Variants in USP40 observed in about 807,000 individuals in gnomAD.
USP40 encodes the protein ubiquitin carboxyl-terminal hydrolase 40.
USP40 carries 143 observed loss-of-function variants against 166.2 expected under a neutral mutation model. That is an observed-to-expected ratio of 0.86 (90% CI 0.75 to 0.99). USP40 has a LOEUF of 0.99. USP40 is among the 50% of genes least tolerant of loss of function. The pLI, the probability that USP40 is intolerant of heterozygous loss-of-function variation, is 0.00. For synonymous variants in USP40, 498 were observed against 524.0 expected, an observed-to-expected ratio of 0.95 and a Z score of 0.68; for missense variants, 1,444 against 1,479.7, an observed-to-expected ratio of 0.98 and a Z score of 0.40.
chr2:233,553,615 G>T (rs2070780352), intron 6 of USP40, among the ~76,000 whole-genome samples: 1 of 152,166 alleles, frequency 6.6e-6, no homozygotes, highest in African/African-American at 2.4e-5. Flanking sequence ...ACACCAGGGA[G>T]GTGTTCCACT....
At chr2:233,494,532 A>G (rs2065541733) in intron 24 of USP40, among the ~76,000 whole-genome samples, 1 of 152,080 alleles carries the variant, frequency 6.6e-6, no homozygotes, top group South Asian at 2.1e-4. Flanking sequence ...CAAATTGTTT[A>G]TGGGACCAAA....
chr2:233,493,641 C>T lies in USP40; in HGVS notation c.2791-90G>A. On this transcript the variant is annotated intron_variant, in intron 24 of 31. Transcript: ENST00000678225. This position sits in a 1 kb window ranked among gnomAD's most constrained non-coding sequence, Gnocchi z 4.7. ...CCATAGAAAGAAACACCTTGATGAC[C>T]TAAGATGTTCTTGAACTTATCATTT... The T allele has an allele frequency of 7.4e-7, 1 of 1,358,124 alleles. No individual in the cohort carries two copies. The highest frequency in any genetic ancestry group is 9.8e-7 in the Non-Finnish European group (1 of 1,016,176). The allele number at this position is 1,358,124 out of a possible 1,614,324, so 84.1% of individuals were successfully genotyped here.
rs1345724853 is a variant in USP40 at position 233,475,849 on chromosome 2, TAAG to T, written c.*1540_*1542del. 3.9e-5 allele frequency: 6 copies of T among 152,484 alleles called. No individual in the cohort carries two copies. The highest frequency in any genetic ancestry group is 4.2e-4 in the South Asian group (2 of 4,818). 9.4% of individuals were successfully genotyped at this position (152,484 alleles called of 1,614,324 possible). A position where few individuals can be genotyped will look rare whatever the true frequency, so the allele number is the denominator to read the frequency against. On this transcript the variant is annotated 3_prime_UTR_variant, in exon 32 of 32. Coordinates refer to ENST00000678225, the MANE Select transcript of USP40 (RefSeq NM_001365479.2). ...TTAAAGCCACAGAAACAGAACAGCT[TAAG>T]AAGGGCTGGGCGCCCAGCTCGTCAC...
chr2:233,485,953 T>G lies in USP40; in HGVS notation c.3222A>C (p.Thr1074=), dbSNP rs1359823078. The change falls in exon 29 of 32, where the codon ACA becomes ACC. Residue 1074 remains threonine (T), a synonymous_variant. Coordinates refer to ENST00000678225, the MANE Select transcript of USP40 (RefSeq NM_001365479.2). The part of the protein sequence containing the change: ...NLGPQDVLLR[T]QVRIPGERTY... Reference sequence around the variant, plus strand: ...TCCTCTCACCAGGGATGCGCACCTGTGTCCTCAGCAGCACGTCCTGGGGGC... The same window carrying G: ...TCCTCTCACCAGGGATGCGCACCTGGGTCCTCAGCAGCACGTCCTGGGGGC... The G allele has an allele frequency of 6.3e-7, 1 of 1,588,588 alleles. No homozygotes were observed. Among genetic ancestry groups the G allele is most frequent in the Admixed American group, 1.8e-5 (1 of 55,344 alleles).
chr2:233,559,655 A>G (rs559078842), intron 4 of USP40, among the ~76,000 whole-genome samples, 156 bp downstream of exon 4: 1 of 152,332 alleles, frequency 6.6e-6, no homozygotes, highest in South Asian at 2.1e-4. Flanking sequence ...CTAAAAATAT[A>G]TATTTCTGGC....
chr2:233,523,551 A>T, intron 15 of USP40, 62 bp from the exon 16 acceptor site: 1 of 1,430,024 alleles, frequency 7.0e-7, no homozygotes, highest in Non-Finnish European at 9.5e-7. Flanking sequence ...TCAACATAAC[A>T]TGGTAAAAGA....
intron 21 of USP40, among the ~76,000 whole-genome samples, chr2:233,503,908 C>T (rs1159888375): frequency 1.3e-5 from 2 of 152,076 alleles, no homozygotes; most frequent in Admixed American, 6.5e-5. Flanking sequence ...ATAAATTTAT[C>T]AATCCTCTTC....
chr2:233,552,769 T>C (rs1305312860), intron 6 of USP40, among the ~76,000 whole-genome samples: 3 of 152,236 alleles, frequency 2.0e-5, no homozygotes, highest in Admixed American at 6.5e-5. Flanking sequence ...GGTTTTATTA[T>C]AGTTTTATCT....
chr2:233,489,327 GCA>G, intron 27 of USP40, 36 bp downstream of exon 27: 1 of 1,526,536 alleles, frequency 6.6e-7, no homozygotes, highest in African/African-American at 1.4e-5. Context: ...TGCGTCAGCA[GCA>G]GAGAGGGACA....
chr2:233,524,394 TGCTGGGATTACAG>T, intron 15 of USP40, 85 bp downstream of exon 15: 1 of 1,018,106 alleles, frequency 9.8e-7, no homozygotes, highest in Non-Finnish European at 1.4e-6. Context: ...CCTCCCAAAG[TGCTGGGATTACAG>T]GCATGAGCCA....
chr2:233,517,071 TTGTTGTTGC>T (rs2067248688), intron 18 of USP40, among the ~76,000 whole-genome samples: 1 of 152,204 alleles, frequency 6.6e-6, no homozygotes, highest in Admixed American at 6.5e-5. Flanking sequence ...GATTTTGTTG[TTGTTGTTGC>T]TGGTAGGTAA....
rs1249379196 is a variant in USP40, at chr2:233,508,759, G to GA, written c.2613+1289dup. On this transcript the variant is annotated intron_variant, in intron 21 of 31. Transcript: ENST00000678225. Reference sequence around the variant, plus strand: ...GATATAGTTTGCAAGGGAAAAACAGGAAAAAAAATGCTTTATTTTTTACCT... The same window carrying GA: ...GATATAGTTTGCAAGGGAAAAACAGGAAAAAAAAATGCTTTATTTTTTACCT... Among the ~76,000 whole-genome samples the GA allele has an allele frequency of 4.6e-5, 7 of 151,852 alleles. No homozygotes were observed. The South Asian group carries it at 8.3e-4, about 18-fold the overall frequency.
At chr2:233,557,511 G>A (rs965055929) in intron 4 of USP40, among the ~76,000 whole-genome samples, 1 of 152,242 alleles carries the variant, frequency 6.6e-6, no homozygotes, top group East Asian at 1.9e-4. Flanking sequence ...AAATCCTGAT[G>A]GAACTTGCTT....
chr2:233,476,968 G>A lies in USP40; in HGVS notation c.*424C>T, dbSNP rs182892201. On this transcript the variant is annotated 3_prime_UTR_variant, in exon 32 of 32. Coordinates refer to ENST00000678225, the MANE Select transcript of USP40 (RefSeq NM_001365479.2). ...TGGCCTGAGACACTGTGAGAAGCCG[G>A]TCAGGGCGAACGAGAGTCATCTGAA... The A allele has an allele frequency of 3.4e-3, 1,020 of 303,984 alleles. 7 individuals carry two copies. Among genetic ancestry groups the A allele is most frequent in the Middle Eastern group, 4.8e-3 (4 of 838 alleles). The allele number at this position is 303,984 out of a possible 1,614,324, so 18.8% of individuals were successfully genotyped here.
In USP40 at chr2:233,523,454, G is replaced by T; in HGVS notation, c.1917C>A (p.Cys639Ter). The T allele has an allele frequency of 6.2e-7, 1 of 1,613,762 alleles. No homozygotes were observed. Among genetic ancestry groups the T allele is most frequent in the Non-Finnish European group, 8.5e-7 (1 of 1,179,812 alleles). Reference protein sequence around the residue: ...GGVHIQTGIDCEPLLLNVLHL... With the variant: ...GGVHIQTGID ...GAAGAACATTTAAAAGTAGAGGTTCGCAGTCAATACCAGTTTGAATGTGGA... is the reference window on the plus strand; with the variant it reads ...GAAGAACATTTAAAAGTAGAGGTTCTCAGTCAATACCAGTTTGAATGTGGA... Residue 639 changes from cysteine to a stop codon, truncating the protein, a stop_gained, in exon 16 of 32, where the codon TGC (cysteine) becomes TGA (stop). Transcript: ENST00000678225. LOFTEE classifies it high-confidence loss of function.
At chr2:233,553,022 C>T (rs976601202) in intron 6 of USP40, among the ~76,000 whole-genome samples, 1 of 152,072 alleles carries the variant, frequency 6.6e-6, no homozygotes, top group African/African-American at 2.4e-5. Flanking sequence ...GGGAACGTCA[C>T]CACTGCAGAT....
In USP40 at chr2:233,493,282, G is replaced by T; in HGVS notation, c.2917+143C>A. 8.5e-7 allele frequency: 1 copy of T among 1,170,268 alleles called. No homozygotes were observed. Among genetic ancestry groups the T allele is most frequent in the Non-Finnish European group, 1.2e-6 (1 of 820,024 alleles). The allele number at this position is 1,170,268 out of a possible 1,614,324, so 72.5% of individuals were successfully genotyped here. On this transcript the variant is annotated intron_variant, in intron 25 of 31. Coordinates refer to ENST00000678225, the MANE Select transcript of USP40 (RefSeq NM_001365479.2). This position sits in a 1 kb window ranked among gnomAD's most constrained non-coding sequence, Gnocchi z 4.7. Reference sequence around the variant, plus strand: ...CAGTGTTATTATTATGTGATGTCTGGAATGACTTATGAAATTAATAGGTCT... The same window carrying T: ...CAGTGTTATTATTATGTGATGTCTGTAATGACTTATGAAATTAATAGGTCT...
chr2:233,518,220 T>TTA (rs1444415062), intron 18 of USP40, among the ~76,000 whole-genome samples: 1 of 125,984 alleles, frequency 7.9e-6, no homozygotes, highest in African/African-American at 3.0e-5. Context: ...TTTTTTTTTT[T>TTA]AAAAGTCAAA....
chr2:233,487,085 A>AT (rs2064996058), intron 28 of USP40, among the ~76,000 whole-genome samples: 2 of 152,210 alleles, frequency 1.3e-5, no homozygotes, highest in Non-Finnish European at 2.9e-5. Flanking sequence ...TCAAAACCTG[A>AT]CACAGCTTAC....
Sources: gnomAD v4.1 joint callset for allele counts (sites outside exome capture counted in the v4.1 genomes callset) on GRCh38, gnomAD v4.1.1 for gene constraint, Gnocchi (gnomAD v3.1) non-coding constraint, MANE v1.5 for transcripts, NCBI Gene and HGNC (gene_info 2026-07-23, HGNC 2026-07-21) for gene names.